Variants in TAAR2 observed in about 807,000 individuals in gnomAD.
TAAR2 encodes the protein trace amine-associated receptor 2.
In TAAR2, 30 loss-of-function variants were observed where a neutral mutation model predicts 25.5. That is an observed-to-expected ratio of 1.18 (90% CI 0.88 to 1.60). The LOEUF is 1.60. Among genes scored for constraint, TAAR2 ranks in the 40% most tolerant of loss-of-function variants. The probability of loss-of-function intolerance (pLI) is 0.00; values close to 1 mark genes in which losing one functional copy is unlikely to be tolerated. For missense variants in TAAR2, 481 were observed against 416.5 expected (o/e 1.15, Z -1.35); for synonymous variants, 150 against 142.4 (o/e 1.05, Z -0.38).
Position 132,617,410 on chromosome 6 carries a change from T to G in TAAR2, c.796A>C (p.Ile266Leu). Residue 266 changes from isoleucine to leucine, a missense_variant, in exon 2 of 2, where the codon ATA becomes CTA. Transcript: ENST00000367931. ...KDKKAAKTLG[I>L]VIGVFLLCWF... Reference sequence around the variant, plus strand: ...CATAATAAGAAAACTCCTATCACTATTCCTAAAGTTTTGGCAGCTTTTTTG... The same window carrying G: ...CATAATAAGAAAACTCCTATCACTAGTCCTAAAGTTTTGGCAGCTTTTTTG... The G allele has an allele frequency of 6.2e-7, 1 of 1,613,780 alleles. No individual in the cohort carries two copies. The highest frequency in any genetic ancestry group is 8.5e-7 in the Non-Finnish European group (1 of 1,179,918).
At chr6:132,624,173 A>C in intron 1 of TAAR2, 43 bp downstream of exon 1, 1 of 1,582,812 alleles carries the variant, frequency 6.3e-7, no homozygotes. Flanking sequence ...AAATCTTCTC[A>C]GATGCTACTG....
rs144601349 is a variant in TAAR2, at chr6:132,622,415, A to G, written c.60+1801T>C. Among the ~76,000 whole-genome samples the G allele has an allele frequency of 8.6e-3, 1,245 of 143,932 alleles. 23 individuals are homozygous for G. The highest frequency in any genetic ancestry group is 0.03 in the African/African-American group (1,173 of 39,392). The allele number at this position is 143,932 out of a possible 152,430, so 94.4% of individuals were successfully genotyped here. Reference sequence around the variant, plus strand: ...TTTGTGATGTCTTTTCTTTTTGCCTAGTCTTTATATTTGATGATTAATGCT... The same window carrying G: ...TTTGTGATGTCTTTTCTTTTTGCCTGGTCTTTATATTTGATGATTAATGCT... On this transcript the variant is annotated intron_variant, in intron 1 of 1. Transcript: ENST00000367931.
Position 132,617,424 on chromosome 6 carries a change from G to T in TAAR2, c.782C>A (p.Ala261Asp), listed in dbSNP as rs1367127538. 1.2e-6 allele frequency: 2 copies of T among 1,613,620 alleles called. No homozygotes were observed. The highest frequency in any genetic ancestry group is 1.7e-5 in the Admixed American group (1 of 59,944). ...NNQVKKDKKA[A>D]KTLGIVIGVF... ...TCCTATCACTATTCCTAAAGTTTTGGCAGCTTTTTTGTCTTTCTTCACTTG... is the reference window on the plus strand; with the variant it reads ...TCCTATCACTATTCCTAAAGTTTTGTCAGCTTTTTTGTCTTTCTTCACTTG... The change falls in exon 2 of 2, where the codon GCC becomes GAC. Residue 261 changes from alanine to aspartate, a missense_variant. Physicochemically the swap from Ala to Asp is moderately radical, Grantham distance 126 (BLOSUM62 -2). Transcript: ENST00000367931.
In TAAR2 at chr6:132,617,272, G is replaced by A. The variant is rs993613400; in HGVS notation, c.934C>T (p.Pro312Ser). 1.2e-6 allele frequency: 2 copies of A among 1,613,590 alleles called. No individual in the cohort carries two copies. Among genetic ancestry groups the A allele is most frequent in the African/African-American group, 2.7e-5 (2 of 74,896 alleles). ...GGATAGAAGAAACCATATATTAACG[G>A]ATTACATGTGGAGTTAAAATAGCCA... Reference protein sequence around the residue: ...WFGYFNSTCNPLIYGFFYPWF... With the variant: ...WFGYFNSTCNSLIYGFFYPWF... Residue 312 changes from proline (P) to serine (S), a missense_variant, in exon 2 of 2, where the codon CCG (proline) becomes TCG (serine). By Grantham distance (74) the Pro-to-Ser change is moderately conservative. Transcript: ENST00000367931.
Position 132,622,746 on chromosome 6 carries a change from A to C in TAAR2, c.60+1470T>G, listed in dbSNP as rs75702673. Among the ~76,000 whole-genome samples the C allele has an allele frequency of 5.2e-3, 795 of 152,112 alleles. 7 individuals are homozygous for C. The highest frequency in any genetic ancestry group is 0.019 in the African/African-American group (768 of 41,492). ...TCATTCGCCCACCTTGGCCTCCCAA[A>C]GTTCTGGAATTACAGGCGTGAGCCA... On this transcript the variant is annotated intron_variant, in intron 1 of 1. Coordinates refer to ENST00000367931, the MANE Select transcript of TAAR2 (RefSeq NM_001033080.1).
At chr6:132,620,265 T>A (rs1410859117) in intron 1 of TAAR2, among the ~76,000 whole-genome samples, 1 of 152,222 alleles carries the variant, frequency 6.6e-6, no homozygotes, top group African/African-American at 2.4e-5. Flanking sequence ...ACTAATGGCC[T>A]GGTGTATGAT....
rs1379476611 is a variant in TAAR2, at chr6:132,617,915, C to A, written c.291G>T (p.Met97Ile). ...CCACCGATCTGATCATACTATATGG[C>A]ATGATGGTGAATCCCAGGAGGAAAT... ...ITDFLLGFTI[M>I]PYSMIRSVEN... Residue 97 changes from methionine to isoleucine, a missense_variant, in exon 2 of 2, where the codon ATG becomes ATT. Transcript: ENST00000367931. The A allele has an allele frequency of 6.2e-7, 1 of 1,613,962 alleles. No homozygotes were observed. The highest frequency in any genetic ancestry group is 8.5e-7 in the Non-Finnish European group (1 of 1,179,962).
At position 132,617,304 on chromosome 6, in the gene TAAR2, G is replaced by A; in HGVS notation, c.902C>T (p.Thr301Ile). Residue 301 changes from threonine (T) to isoleucine (I), a missense_variant, in exon 2 of 2, where the codon ACA becomes ATA. Thr to Ile is a moderately conservative substitution (Grantham distance 89). Transcript: ENST00000367931. ...STPVVLFDAL[T>I]WFGYFNSTCN... ...TGTGGAGTTAAAATAGCCAAACCAT[G>A]TCAAGGCATCAAACAAAACTACAGG... 6.2e-7 allele frequency: 1 copy of A among 1,613,694 alleles called. No individual in the cohort carries two copies. The highest frequency in any genetic ancestry group is 8.5e-7 in the Non-Finnish European group (1 of 1,179,884).
rs1777365853 is a variant in TAAR2, at chr6:132,621,104, G to T, written c.61-2959C>A. Among the ~76,000 whole-genome samples, 4 of 150,986 alleles carry T rather than the reference G, an allele frequency of 2.6e-5. No individual in the cohort carries two copies. In the South Asian group the frequency reaches 8.4e-4, roughly 32 times the overall value. On this transcript the variant is annotated intron_variant, in intron 1 of 1. Coordinates refer to ENST00000367931, the MANE Select transcript of TAAR2 (RefSeq NM_001033080.1). The stretch of plus-strand genomic sequence containing the variant: ...CATTAAAAAGCGTAGGAAATCCAAA[G>T]CAAATTTTGTTGGTTTATTTTTAAA...
In TAAR2 at chr6:132,617,490, T is replaced by G. The variant is rs376107701; in HGVS notation, c.716A>C (p.His239Pro). 9 of 1,614,048 alleles carry G rather than the reference T, an allele frequency of 5.6e-6. No individual in the cohort carries two copies. Among genetic ancestry groups the G allele is most frequent in the Non-Finnish European group, 7.6e-6 (9 of 1,179,968 alleles). Residue 239 changes from histidine (H) to proline (P), a missense_variant, in exon 2 of 2, where the codon CAT becomes CCT. Transcript: ENST00000367931. Reference sequence around the variant, plus strand: ...TCGCAAGTTATTGATGGCATGAGCATGTTTTCTGGATACTGCAAAAATTTT... The same window carrying G: ...TCGCAAGTTATTGATGGCATGAGCAGGTTTTCTGGATACTGCAAAAATTTT... The part of the protein sequence containing the change: ...YGKIFAVSRK[H>P]AHAINNLREN...
chr6:132,623,513 C>A (rs1777402364), intron 1 of TAAR2, among the ~76,000 whole-genome samples: 1 of 152,116 alleles, frequency 6.6e-6, no homozygotes, highest in South Asian at 2.1e-4. Flanking sequence ...AAACACAGAT[C>A]TTTGTTTCAT....
In TAAR2 at chr6:132,617,532, A is replaced by G. The variant is rs145182201; in HGVS notation, c.674T>C (p.Met225Thr). ...AAAAATTTTGCCATAAATCCCCACCATCATAGACCCAGGAGTGAAGAAACC... is the reference window on the plus strand; with the variant it reads ...AAAAATTTTGCCATAAATCCCCACCGTCATAGACCCAGGAGTGAAGAAACC... ...MAGFFTPGSM[M>T]VGIYGKIFAV... is the part of the protein sequence containing the mutation. Residue 225 changes from methionine (M) to threonine (T), a missense_variant, in exon 2 of 2, where the codon ATG (methionine) becomes ACG (threonine). Coordinates refer to ENST00000367931, the MANE Select transcript of TAAR2 (RefSeq NM_001033080.1). The G allele has an allele frequency of 1.1e-5, 17 of 1,613,852 alleles. No homozygotes were observed. Among genetic ancestry groups the G allele is most frequent in the Non-Finnish European group, 1.4e-5 (17 of 1,179,970 alleles).
chr6:132,617,679 A>G lies in TAAR2; in HGVS notation c.527T>C (p.Phe176Ser). 1 of 1,613,908 alleles carries G rather than the reference A, an allele frequency of 6.2e-7. No individual in the cohort carries two copies. Among genetic ancestry groups the G allele is most frequent in the Non-Finnish European group, 8.5e-7 (1 of 1,179,968 alleles). The change falls in exon 2 of 2, where the codon TTC becomes TCC. Residue 176 changes from phenylalanine to serine, a missense_variant. Coordinates refer to ENST00000367931, the MANE Select transcript of TAAR2 (RefSeq NM_001033080.1). Reference sequence around the variant, plus strand: ...ATAGGCCTCTGAGAAGACCACCCCGAAGGCAAATGCTCCAGGGACCGACCA... The same window carrying G: ...ATAGGCCTCTGAGAAGACCACCCCGGAGGCAAATGCTCCAGGGACCGACCA... ...LCWSVPGAFA[F>S]GVVFSEAYAD... is the part of the protein sequence containing the mutation.
At chr6:132,620,422 G>C (rs1298122202) in intron 1 of TAAR2, among the ~76,000 whole-genome samples, 2 of 152,234 alleles carry the variant, frequency 1.3e-5, no homozygotes, top group African/African-American at 2.4e-5. Flanking sequence ...ACTTATTCAT[G>C]AAAGAGTTTC....
chr6:132,618,303 T>A, intron 1 of TAAR2, 158 bp from the exon 2 acceptor site: 2 of 800,270 alleles, frequency 2.5e-6, no homozygotes, highest in Non-Finnish European at 3.7e-6. Flanking sequence ...CTTATTTTAA[T>A]CTTTATTTGT....
intron 1 of TAAR2, among the ~76,000 whole-genome samples, chr6:132,622,635 G>A (rs1777390571): frequency 6.6e-6 from 1 of 151,600 alleles, no homozygotes; most frequent in Non-Finnish European, 1.5e-5. Flanking sequence ...ACAGGCACGT[G>A]CCACCACACC....
chr6:132,621,531 A>G (rs1291023176), intron 1 of TAAR2, among the ~76,000 whole-genome samples: 7 of 152,008 alleles, frequency 4.6e-5, no homozygotes, highest in African/African-American at 1.4e-4. Context: ...TTTCTGTTCC[A>G]ACAACAGTAT....
At position 132,618,111 on chromosome 6, in the gene TAAR2, G is replaced by T; in HGVS notation, c.95C>A (p.Ser32Tyr). 2 of 1,609,146 alleles carry T rather than the reference G, an allele frequency of 1.2e-6. No homozygotes were observed. Among genetic ancestry groups the T allele is most frequent in the Non-Finnish European group, 1.7e-6 (2 of 1,177,800 alleles). Residue 32 changes from serine (S) to tyrosine (Y), a missense_variant, in exon 2 of 2, where the codon TCT becomes TAT. Coordinates refer to ENST00000367931, the MANE Select transcript of TAAR2 (RefSeq NM_001033080.1). The part of the protein sequence containing the change: ...KFNCSEYGNR[S>Y]CPENERSLGV... ...CAGAGATCTTTCATTTTCTGGGCAA[G>T]ATCTATTTCCATATTCAGAGCAATT...
At chr6:132,620,054 C>T (rs567580700) in intron 1 of TAAR2, among the ~76,000 whole-genome samples, 3 of 152,284 alleles carry the variant, frequency 2.0e-5, no homozygotes, top group South Asian at 2.1e-4. Flanking sequence ...TCTTAGCCAG[C>T]ATTAGTCAAA....
Sources: allele counts gnomAD v4.1 joint callset (sites outside exome capture counted in the v4.1 genomes callset), GRCh38; gene constraint gnomAD v4.1.1; transcripts MANE v1.5; gene names NCBI Gene and HGNC (gene_info 2026-07-23, HGNC 2026-07-21).